Variants in WDR25 observed in about 807,000 individuals in gnomAD.
WDR25 encodes the protein WD repeat domain 25, also known as WD repeat-containing protein 25.
Under a neutral mutation model 47.7 loss-of-function variants are expected in WDR25, and 35 were observed. The observed-to-expected ratio is 0.73, with a 90% confidence interval of 0.56 to 0.97. The LOEUF (loss-of-function observed/expected upper bound fraction) is 0.97, where lower values mean the gene tolerates loss of function less well. Among genes scored for constraint, WDR25 ranks in the 50% least tolerant of loss-of-function variants. The probability of loss-of-function intolerance (pLI) is 0.00; values close to 1 mark genes in which losing one functional copy is unlikely to be tolerated. For synonymous variants in WDR25, 248 were observed against 278.9 expected, an observed-to-expected ratio of 0.89 and a Z score of 1.10; for missense variants, 634 against 704.7, an observed-to-expected ratio of 0.90 and a Z score of 1.14.
intron 2 of WDR25, among the ~76,000 whole-genome samples, chr14:100,422,555 A>G: frequency 6.6e-6 from 1 of 152,130 alleles, no homozygotes; most frequent in East Asian, 1.9e-4. Flanking sequence ...ATCCTTGTAC[A>G]CCCCTGTGAA....
intron 2 of WDR25, among the ~76,000 whole-genome samples, chr14:100,401,186 T>C (rs887295944): frequency 6.6e-6 from 1 of 152,186 alleles, no homozygotes; most frequent in African/African-American, 2.4e-5. Context: ...CTGCTCGCTG[T>C]TCCTGGGGCG....
intron 2 of WDR25, among the ~76,000 whole-genome samples, chr14:100,427,609 T>C (rs1417167277): frequency 6.6e-6 from 1 of 152,070 alleles, no homozygotes; most frequent in African/African-American, 2.4e-5. Context: ...GACGTGTGGG[T>C]GAAGGATGTG....
chr14:100,390,369 A>C (rs1191906265), intron 2 of WDR25, among the ~76,000 whole-genome samples: 1 of 150,322 alleles, frequency 6.7e-6, no homozygotes, highest in Non-Finnish European at 1.5e-5. Flanking sequence ...GGGAGGACCT[A>C]AAAAGCTGAC....
chr14:100,523,960 T>C lies in WDR25; in HGVS notation c.1102-1910T>C, dbSNP rs551526737. On this transcript the variant is annotated intron_variant, in intron 4 of 6. Coordinates refer to ENST00000402312, the MANE Select transcript of WDR25 (RefSeq NM_001161476.3). The surrounding 1 kb of genome is among the most constrained non-coding windows in gnomAD (Gnocchi z 4.7). ...CTCTTTCCTGGGGCATGAGCAGTTG[T>C]GAAGGCGAGTAAATCATGTTCGGTG... Among the ~76,000 whole-genome samples the C allele has an allele frequency of 5.3e-4, 80 of 152,258 alleles. No homozygotes were observed. The highest frequency in any genetic ancestry group is 1.9e-3 in the African/African-American group (77 of 41,570).
intron 2 of WDR25, among the ~76,000 whole-genome samples, chr14:100,466,754 G>A (rs764739651): frequency 1.3e-5 from 2 of 151,926 alleles, no homozygotes; most frequent in Non-Finnish European, 2.9e-5. Flanking sequence ...TCTGCTTCTC[G>A]GGTTCAGCCT....
intron 2 of WDR25, among the ~76,000 whole-genome samples, chr14:100,415,519 T>C (rs2140200711): frequency 6.6e-6 from 1 of 152,204 alleles, no homozygotes; most frequent in African/African-American, 2.4e-5. Context: ...CCTTGGAGAG[T>C]AGAGACAGCA....
At position 100,407,407 on chromosome 14, in the gene WDR25, G is replaced by A. The variant is rs1258402437; in HGVS notation, c.822+25661G>A. On this transcript the variant is annotated intron_variant, in intron 2 of 6. Transcript: ENST00000402312. The surrounding 1 kb of genome is among the most constrained non-coding windows in gnomAD (Gnocchi z 4.1). ...CATCTTCCCAACTCAGGTGAGATGG[G>A]GACTAGAAAGTCGGTCTGGCTGAAG... The A allele has an allele frequency of 6.6e-6, 1 of 152,148 alleles. No individual in the cohort carries two copies. Among genetic ancestry groups the A allele is most frequent in the East Asian group, 1.9e-4 (1 of 5,182 alleles). The allele number at this position is 152,148 out of a possible 1,614,324, so 9.4% of individuals were successfully genotyped here. A position where few individuals can be genotyped will look rare whatever the true frequency, so the allele number is the denominator to read the frequency against.
chr14:100,511,709 C>T (rs1020939470), intron 4 of WDR25, among the ~76,000 whole-genome samples: 3 of 152,162 alleles, frequency 2.0e-5, no homozygotes, highest in African/African-American at 7.2e-5. Context: ...AAAGTATTCT[C>T]TTTCAGTTAC....
chr14:100,469,982 T>C (rs1899773888), intron 3 of WDR25, among the ~76,000 whole-genome samples: 1 of 152,214 alleles, frequency 6.6e-6, no homozygotes, highest in Non-Finnish European at 1.5e-5. Flanking sequence ...GAAGCTCCTG[T>C]CTGCTGGAGA....
intron 4 of WDR25, among the ~76,000 whole-genome samples, chr14:100,519,874 CTATATGTA>C (rs201210975): frequency 0.019 from 2,506 of 134,374 alleles, 86 homozygotes; most frequent in African/African-American, 0.058. Context: ...TATATATACA[CTATATGTA>C]TATATGTATA....
Position 100,502,199 on chromosome 14 carries a change from G to C in WDR25, c.1101+18075G>C, listed in dbSNP as rs377524698. 1.9e-4 allele frequency among the ~76,000 whole-genome samples: 29 copies of C among 152,302 alleles called. 1 individual carries two copies. The South Asian group carries it at 6.0e-3, about 32-fold the overall frequency. On this transcript the variant is annotated intron_variant, in intron 4 of 6. Coordinates refer to ENST00000402312, the MANE Select transcript of WDR25 (RefSeq NM_001161476.3). The surrounding 1 kb of genome is among the most constrained non-coding windows in gnomAD (Gnocchi z 4.5). The stretch of plus-strand genomic sequence containing the variant: ...GGAGGTGCAGGCAGAGCCCCCCACT[G>C]TGGTGGCCCTTGCCCTCCCACTCAG...
At chr14:100,456,820 A>G (rs1899219947) in intron 2 of WDR25, among the ~76,000 whole-genome samples, 1 of 152,268 alleles carries the variant, frequency 6.6e-6, no homozygotes, top group African/African-American at 2.4e-5. Context: ...AAAAATATTT[A>G]AAGAAATAAT....
intron 2 of WDR25, among the ~76,000 whole-genome samples, chr14:100,431,845 G>T (rs903736493): frequency 3.3e-5 from 5 of 152,134 alleles, no homozygotes; most frequent in African/African-American, 1.2e-4. Flanking sequence ...AAGTAGCTAG[G>T]ATTACAGGTG....
rs556400090 is a variant in WDR25 at position 100,472,216 on chromosome 14, G to A, written c.970+4048G>A. 3.9e-5 allele frequency among the ~76,000 whole-genome samples: 6 copies of A among 152,334 alleles called. No individual in the cohort carries two copies. The East Asian group carries it at 5.8e-4, about 15-fold the overall frequency. On this transcript the variant is annotated intron_variant, in intron 3 of 6. Coordinates refer to ENST00000402312, the MANE Select transcript of WDR25 (RefSeq NM_001161476.3). ...CCTCTTCCTGGAGCCCTGGAGCCCC[G>A]GCTGGGCAGGGAACCCTGTCCTCCT...
intron 2 of WDR25, among the ~76,000 whole-genome samples, chr14:100,414,289 A>G (rs908515910): frequency 1.4e-5 from 2 of 139,480 alleles, no homozygotes; most frequent in African/African-American, 5.4e-5. Flanking sequence ...GGCATGAGCC[A>G]CCGCGCCCAG....
At chr14:100,419,800 A>C (rs1248184484) in intron 2 of WDR25, among the ~76,000 whole-genome samples, 1 of 152,228 alleles carries the variant, frequency 6.6e-6, no homozygotes, top group Non-Finnish European at 1.5e-5. Flanking sequence ...CAGGCAGTTC[A>C]TGCCCCTGGC....
At position 100,530,203 on chromosome 14, in the gene WDR25, T is replaced by A; in HGVS notation, c.*162T>A. On this transcript the variant is annotated 3_prime_UTR_variant, in exon 7 of 7. Transcript: ENST00000402312. ...TGTAAAGTGGGGAGAAAAGTCTGTTTGCCTCAGGAGTGTGAGGACTACACT... is the reference window on the plus strand; with the variant it reads ...TGTAAAGTGGGGAGAAAAGTCTGTTAGCCTCAGGAGTGTGAGGACTACACT... 1 of 754,416 alleles carries A rather than the reference T, an allele frequency of 1.3e-6. No individual in the cohort carries two copies. Among genetic ancestry groups the A allele is most frequent in the Admixed American group, 2.9e-5 (1 of 34,322 alleles). The allele number at this position is 754,416 out of a possible 1,614,324, so 46.7% of individuals were successfully genotyped here.
At chr14:100,389,018 A>G (rs1272435371) in intron 2 of WDR25, among the ~76,000 whole-genome samples, 1 of 152,264 alleles carries the variant, frequency 6.6e-6, no homozygotes, top group Non-Finnish European at 1.5e-5. Flanking sequence ...GAGTCGAGAC[A>G]GTCTAGTAAA....
At chr14:100,399,460 C>T (rs928170000) in intron 2 of WDR25, among the ~76,000 whole-genome samples, 4 of 151,828 alleles carry the variant, frequency 2.6e-5, no homozygotes, top group African/African-American at 9.7e-5. Flanking sequence ...TCACTATGCT[C>T]TCCTTTGGCC....
Sources: allele counts gnomAD v4.1 joint callset (sites outside exome capture counted in the v4.1 genomes callset), GRCh38; gene constraint gnomAD v4.1.1; non-coding constraint Gnocchi (gnomAD v3.1); transcripts MANE v1.5; gene names NCBI Gene and HGNC (gene_info 2026-07-23, HGNC 2026-07-21).